RAVER2: variants seen among roughly 807,000 people sequenced by gnomAD.
RAVER2 encodes ribonucleoprotein, PTB binding 2, also known as ribonucleoprotein PTB-binding 2.
In RAVER2, 46 loss-of-function variants were observed where a neutral mutation model predicts 78.1. The ratio of observed to expected loss-of-function variants is 0.59; its 90% CI spans 0.46 to 0.75. RAVER2 has a LOEUF of 0.75. Among genes scored for constraint, RAVER2 ranks in the 30% least tolerant of loss-of-function variants. The probability of loss-of-function intolerance (pLI) is 0.00; values close to 1 mark genes in which losing one functional copy is unlikely to be tolerated. For synonymous variants in RAVER2, 311 were observed against 313.3 expected, an observed-to-expected ratio of 0.99 and a Z score of 0.08; for missense variants, 793 against 837.5, an observed-to-expected ratio of 0.95 and a Z score of 0.66.
intron 11 of RAVER2, among the ~76,000 whole-genome samples, chr1:64,827,743 A>G (rs1056623463): frequency 1.3e-5 from 2 of 152,204 alleles, no homozygotes; most frequent in Admixed American, 1.3e-4. Context: ...ATCACATATA[A>G]TCTGTGTGTT....
intron 4 of RAVER2, among the ~76,000 whole-genome samples, chr1:64,785,136 C>T (rs1652742670): frequency 6.6e-6 from 1 of 152,142 alleles, no homozygotes; most frequent in African/African-American, 2.4e-5. Context: ...AGTGAGAAAT[C>T]TCAGTCTTAA....
chr1:64,806,284 G>A (rs910577368), intron 8 of RAVER2, among the ~76,000 whole-genome samples: 5 of 152,194 alleles, frequency 3.3e-5, no homozygotes, highest in African/African-American at 9.6e-5. Flanking sequence ...GCTGGCACAC[G>A]CCTGTGGTCC....
chr1:64,806,360 A>G (rs1653418656), intron 8 of RAVER2, among the ~76,000 whole-genome samples: 1 of 152,222 alleles, frequency 6.6e-6, no homozygotes, highest in Non-Finnish European at 1.5e-5. Flanking sequence ...GCAGTGAGCC[A>G]TGATTGTGCC....
chr1:64,832,325 G>A (rs1654168908), exon 12 of RAVER2: 1 of 152,602 alleles, frequency 6.6e-6, no homozygotes, highest in African/African-American at 2.4e-5. Context: ...GTGTTAGGGT[G>A]AAAAATCAGT....
intron 11 of RAVER2, among the ~76,000 whole-genome samples, chr1:64,820,593 C>A (rs1055235636): frequency 6.6e-6 from 1 of 152,126 alleles, no homozygotes; most frequent in Non-Finnish European, 1.5e-5. Context: ...ACAGCAGAGT[C>A]CATTGTTTCA....
At chr1:64,830,976 A>C (rs2100909083) in exon 12 of RAVER2, 1 of 1,613,350 alleles carries the variant, frequency 6.2e-7, no homozygotes, top group Non-Finnish European at 8.5e-7. Flanking sequence ...AAAAGAAGCG[A>C]GTATACTGAG....
chr1:64,777,329 A>AC (rs1176388083), intron 2 of RAVER2, among the ~76,000 whole-genome samples: 1 of 140,330 alleles, frequency 7.1e-6, no homozygotes, highest in Non-Finnish European at 1.6e-5. Context: ...ACTACCAAAA[A>AC]CCCCCCAGAA....
At chr1:64,755,724 GTT>G (rs753375050) in intron 1 of RAVER2, among the ~76,000 whole-genome samples, 2,608 of 59,862 alleles carry the variant, frequency 0.044, 8 homozygotes, top group East Asian at 0.11. Context: ...ATGCTTCATA[GTT>G]TTTTTTTTTT....
chr1:64,824,932 C>CAAAAAAAAAAAAAAAAAAAAAA (rs56179197), intron 11 of RAVER2, among the ~76,000 whole-genome samples: 36 of 79,384 alleles, frequency 4.5e-4, no homozygotes, highest in African/African-American at 2.1e-3. Context: ...CCCTGTCTCC[C>CAAAAAAAAAAAAAAAAAAAAAA]AAAAAAAAAA....
chr1:64,777,347 G>C (rs1244591924), intron 2 of RAVER2, among the ~76,000 whole-genome samples: 1 of 151,930 alleles, frequency 6.6e-6, no homozygotes, highest in East Asian at 1.9e-4. Flanking sequence ...GAATATCATA[G>C]GATTTTACAG....
intron 5 of RAVER2, among the ~76,000 whole-genome samples, chr1:64,802,342 A>G (rs1653290179): frequency 6.6e-6 from 1 of 151,880 alleles, no homozygotes; most frequent in South Asian, 2.1e-4. Context: ...AGATGGAGGC[A>G]CTCTGGTTCA....
chr1:64,751,648 A>G (rs1651701212), intron 1 of RAVER2, among the ~76,000 whole-genome samples: 1 of 152,136 alleles, frequency 6.6e-6, no homozygotes, highest in Non-Finnish European at 1.5e-5. Context: ...CTATTCACAC[A>G]TTCACAGGCA....
chr1:64,784,597 C>G (rs145263652), intron 4 of RAVER2, among the ~76,000 whole-genome samples: 1 of 152,288 alleles, frequency 6.6e-6, no homozygotes, highest in East Asian at 1.9e-4. Context: ...AAACTGCTCT[C>G]AGTACTAAAT....
At chr1:64,798,913 A>G (rs1653179195) in intron 5 of RAVER2, among the ~76,000 whole-genome samples, 1 of 152,184 alleles carries the variant, frequency 6.6e-6, no homozygotes. Context: ...CACCTCAAAC[A>G]TCCATCATAT....
intron 1 of RAVER2, among the ~76,000 whole-genome samples, chr1:64,767,025 G>A (rs1652192035): frequency 6.6e-6 from 1 of 152,082 alleles, no homozygotes; most frequent in Admixed American, 6.6e-5. Flanking sequence ...AAATTGGTAA[G>A]TGTATGTATT....
chr1:64,785,631 A>G (rs540842811), intron 4 of RAVER2, among the ~76,000 whole-genome samples: 1 of 152,162 alleles, frequency 6.6e-6, no homozygotes, highest in African/African-American at 2.4e-5. Context: ...AGCCTCCCAA[A>G]GTGCTGGGAT....
intron 6 of RAVER2, among the ~76,000 whole-genome samples, chr1:64,804,003 C>G (rs879665818): frequency 2.0e-5 from 3 of 152,162 alleles, no homozygotes; most frequent in Non-Finnish European, 2.9e-5. Context: ...GAGCTGGCCC[C>G]TCCTGCCTCT....
At chr1:64,759,237 G>A (rs1236847229) in intron 1 of RAVER2, among the ~76,000 whole-genome samples, 1 of 147,200 alleles carries the variant, frequency 6.8e-6, no homozygotes, top group Non-Finnish European at 1.5e-5. Context: ...TTTTATTTTT[G>A]GAGACGGAGT....
chr1:64,833,091 G>GTGTT (rs1553157355), exon 12 of RAVER2: 13,604 of 179,714 alleles, frequency 0.076, 658 homozygotes, highest in Admixed American at 0.15. Flanking sequence ...AAATCAAGTG[G>GTGTT]TGTTTGTTTG....
Sources: allele counts gnomAD v4.1 joint callset (sites outside exome capture counted in the v4.1 genomes callset), GRCh38; gene constraint gnomAD v4.1.1; transcripts MANE v1.5; gene names NCBI Gene and HGNC (gene_info 2026-07-23, HGNC 2026-07-21).